Variants in RAD51B observed in about 807,000 individuals in gnomAD.
The protein encoded by RAD51B is RAD51 paralog B, also known as DNA repair protein RAD51 homolog 2.
In RAD51B, 38 loss-of-function variants were observed where a neutral mutation model predicts 42.2. The observed-to-expected ratio is 0.90, with a 90% CI of 0.70 to 1.18. RAD51B has a LOEUF of 1.18. RAD51B is among the 50% of genes most tolerant of loss of function. The pLI is 0.00. For synonymous variants in RAD51B, 154 were observed against 145.2 expected, an observed-to-expected ratio of 1.06 and a Z score of -0.43; for missense variants, 373 against 400.7, an observed-to-expected ratio of 0.93 and a Z score of 0.59.
At chr14:68,509,947 T>A (rs1885608602) in intron 10 of RAD51B, among the ~76,000 whole-genome samples, 4 of 152,204 alleles carry the variant, frequency 2.6e-5, no homozygotes, top group Admixed American at 2.6e-4. Context: ...TGAAGATAGG[T>A]GAGTAGAGGC....
At chr14:68,170,707 G>T (rs972498282) in intron 7 of RAD51B, among the ~76,000 whole-genome samples, 16 of 151,712 alleles carry the variant, frequency 1.1e-4, no homozygotes, top group African/African-American at 3.9e-4. Context: ...TTTGTCAAAG[G>T]AATTTTAATG....
chr14:68,507,807 C>A (rs1456611995), intron 10 of RAD51B, among the ~76,000 whole-genome samples: 1 of 152,226 alleles, frequency 6.6e-6, no homozygotes, highest in African/African-American at 2.4e-5. Context: ...GGTTCACGTT[C>A]ATGTTATAGT....
chr14:68,657,308 A>G (rs1257590182), intron 11 of RAD51B, among the ~76,000 whole-genome samples: 1 of 152,220 alleles, frequency 6.6e-6, no homozygotes, highest in African/African-American at 2.4e-5. Context: ...TGGCTAGGGC[A>G]TGCTGCTTGA....
intron 7 of RAD51B, among the ~76,000 whole-genome samples, chr14:68,244,045 T>C (rs2080444098): frequency 6.6e-6 from 1 of 152,214 alleles, no homozygotes; most frequent in Non-Finnish European, 1.5e-5. Flanking sequence ...TCAACCAGTG[T>C]TATCTGTTAA....
rs1372873829 is a variant in RAD51B, at chr14:67,885,968, C to T, written c.552C>T (p.Thr184=). 6.2e-7 allele frequency: 1 copy of T among 1,601,014 alleles called. No homozygotes were observed. Among genetic ancestry groups the T allele is most frequent in the Non-Finnish European group, 8.5e-7 (1 of 1,170,504 alleles). ...SSKVHLYREL[T]CDEVLQRIES... ...AAGTTCATCTTTATCGGGAACTCAC[C>T]TGTGATGAAGTTCTACAAAGGTATG... The change falls in exon 6 of 11, where the codon ACC becomes ACT. Residue 184 remains threonine (T), a synonymous_variant. Coordinates refer to ENST00000471583, the MANE Select transcript of RAD51B (RefSeq NM_133510.4).
At chr14:68,131,151 C>T (rs971701304) in intron 7 of RAD51B, among the ~76,000 whole-genome samples, 3 of 152,146 alleles carry the variant, frequency 2.0e-5, no homozygotes, top group Non-Finnish European at 4.4e-5. Flanking sequence ...AAGTCAGTGA[C>T]AACCATATCA....
At chr14:68,480,525 G>C (rs927635583), downstream of RAD51B, among the ~76,000 whole-genome samples, 2 of 152,162 alleles carry the variant, frequency 1.3e-5, no homozygotes, top group Admixed American at 6.5e-5. Flanking sequence ...ATGAGATCCT[G>C]GGGCAACTGA....
At chr14:68,058,523 G>C (rs1980654) in intron 7 of RAD51B, among the ~76,000 whole-genome samples, 87 of 152,050 alleles carry the variant, frequency 5.7e-4, no homozygotes, top group African/African-American at 2.0e-3. Context: ...AGGCATATCT[G>C]TTTTTCTTGT....
chr14:67,875,889 T>G (rs559231260), intron 5 of RAD51B, among the ~76,000 whole-genome samples: 3 of 152,312 alleles, frequency 2.0e-5, no homozygotes, highest in African/African-American at 7.2e-5. Context: ...ATTGACATAT[T>G]TGCTTGTTGG....
At chr14:68,528,602 G>C (rs570804189) in intron 10 of RAD51B, among the ~76,000 whole-genome samples, 148 of 152,282 alleles carry the variant, frequency 9.7e-4, no homozygotes, top group South Asian at 3.3e-3. Context: ...AGAAAGCTCT[G>C]AGTCAAGGTC....
Position 68,282,138 on chromosome 14 carries a change from C to T in RAD51B, c.757-9746C>T, listed in dbSNP as rs150851198. Reference sequence around the variant, plus strand: ...CTGGGATTACAGGCACGCACCACAACGCCTGACTAATTTTTTGTAGTTTTA... The same window carrying T: ...CTGGGATTACAGGCACGCACCACAATGCCTGACTAATTTTTTGTAGTTTTA... On this transcript the variant is annotated intron_variant, in intron 7 of 10. Coordinates refer to ENST00000471583, the MANE Select transcript of RAD51B (RefSeq NM_133510.4). 2.6e-4 allele frequency among the ~76,000 whole-genome samples: 39 copies of T among 152,258 alleles called. No individual in the cohort carries two copies. The East Asian group carries it at 3.1e-3, about 12-fold the overall frequency.
intron 7 of RAD51B, among the ~76,000 whole-genome samples, chr14:68,185,495 A>G (rs980222930): frequency 1.3e-5 from 2 of 152,192 alleles, no homozygotes; most frequent in Admixed American, 1.3e-4. Context: ...ATCAGCATTA[A>G]AATAATTATT....
At chr14:67,939,679 A>G (rs1595137801) in intron 7 of RAD51B, among the ~76,000 whole-genome samples, 1 of 152,208 alleles carries the variant, frequency 6.6e-6, no homozygotes, top group East Asian at 1.9e-4. Context: ...GAAGGCTGGA[A>G]GTCTGAGATC....
chr14:68,516,165 C>T (rs1381700653), intron 10 of RAD51B, among the ~76,000 whole-genome samples: 1 of 152,170 alleles, frequency 6.6e-6, no homozygotes, highest in South Asian at 2.1e-4. Context: ...GGATACTTTG[C>T]TATACAGCAA....
chr14:68,628,709 G>A (rs1009478874), intron 10 of RAD51B, among the ~76,000 whole-genome samples: 2 of 152,130 alleles, frequency 1.3e-5, no homozygotes, highest in African/African-American at 4.8e-5. Flanking sequence ...GAGGGTAGGG[G>A]GTGAGGAGGT....
At chr14:68,425,936 TTTTCTTTC>T (rs56847254) in intron 9 of RAD51B, among the ~76,000 whole-genome samples, 20 of 73,880 alleles carry the variant, frequency 2.7e-4, no homozygotes, top group East Asian at 6.2e-4. Context: ...AGGCCATTCT[TTTTCTTTC>T]TTTCTTTCTT....
chr14:68,573,503 C>A (rs1318231444), intron 10 of RAD51B, among the ~76,000 whole-genome samples: 1 of 152,170 alleles, frequency 6.6e-6, no homozygotes, highest in Non-Finnish European at 1.5e-5. Flanking sequence ...CCTACCTTTG[C>A]CGACATCCCT....
intron 7 of RAD51B, among the ~76,000 whole-genome samples, chr14:67,891,116 T>A (rs1295500221): frequency 6.6e-6 from 1 of 152,040 alleles, no homozygotes; most frequent in Non-Finnish European, 1.5e-5. Flanking sequence ...TTGAACTTTT[T>A]TGTCTCCCCT....
chr14:68,624,430 A>G (rs1449032773), intron 10 of RAD51B, among the ~76,000 whole-genome samples: 1 of 152,198 alleles, frequency 6.6e-6, no homozygotes, highest in South Asian at 2.1e-4. Flanking sequence ...AGGCCTGCCA[A>G]TCACAGCTCT....
Sources: gnomAD v4.1 joint callset for allele counts (sites outside exome capture counted in the v4.1 genomes callset) on GRCh38, gnomAD v4.1.1 for gene constraint, MANE v1.5 for transcripts, NCBI Gene and HGNC (gene_info 2026-07-23, HGNC 2026-07-21) for gene names.